KLK3: variants seen among roughly 807,000 people sequenced by gnomAD.
The protein encoded by KLK3 is prostate-specific antigen.
In KLK3, 23 loss-of-function variants were observed where a neutral mutation model predicts 27.7. That is an observed-to-expected ratio of 0.83 (90% confidence interval 0.60 to 1.17). KLK3 has a LOEUF of 1.17. KLK3 is among the 50% of genes most tolerant of loss of function. The probability of loss-of-function intolerance (pLI) is 0.00; values close to 1 mark genes in which losing one functional copy is unlikely to be tolerated. For synonymous variants in KLK3, 142 were observed against 134.2 expected, an observed-to-expected ratio of 1.06 and a Z score of -0.40; for missense variants, 322 against 338.1, an observed-to-expected ratio of 0.95 and a Z score of 0.37.
chr19:50,857,779 A>T, intron 2 of KLK3: 3 of 458,908 alleles, frequency 6.5e-6, no homozygotes, highest in Non-Finnish European at 1.2e-5. Context: ...CTGCCCTTTC[A>T]TTCTCTCTGT....
chr19:50,856,802 C>T (rs1424002687), intron 2 of KLK3: 1 of 180,416 alleles, frequency 5.5e-6, no homozygotes, highest in African/African-American at 2.4e-5. Context: ...CTCTCGGTCT[C>T]TGTCTCACCT....
intron 2 of KLK3, chr19:50,856,608 C>G (rs2090149028): frequency 3.7e-6 from 2 of 536,474 alleles, no homozygotes; most frequent in East Asian, 6.5e-5. Flanking sequence ...CTCTATGTCT[C>G]TTTGTGTCGC....
intron 1 of KLK3, 73 bp from the exon 2 acceptor site, chr19:50,856,167 A>G: frequency 7.1e-7 from 1 of 1,399,256 alleles, no homozygotes; most frequent in Non-Finnish European, 9.9e-7. Flanking sequence ...CACATCCTAA[A>G]TCCATCTCCT....
chr19:50,856,505 G>A (rs2090148389), intron 2 of KLK3, 106 bp downstream of exon 2: 2 of 1,405,304 alleles, frequency 1.4e-6, no homozygotes, highest in South Asian at 2.7e-5. Flanking sequence ...GGGACTGGGG[G>A]AGAGAGGGAA....
chr19:50,860,220 C>A lies in KLK3; in HGVS notation c.*93C>A. 1 of 996,448 alleles carries A rather than the reference C, an allele frequency of 1.0e-6. No homozygotes were observed. Among genetic ancestry groups the A allele is most frequent in the Non-Finnish European group, 1.5e-6 (1 of 651,268 alleles). 61.7% of individuals were successfully genotyped at this position (996,448 alleles called of 1,614,324 possible). On this transcript the variant is annotated 3_prime_UTR_variant, in exon 5 of 5. Transcript: ENST00000326003. Reference sequence around the variant, plus strand: ...CTCCCCAGTTCTACTGACCTTTGTCCTTAGGTGTGAGGTCCAGGGTTGCTA... The same window carrying A: ...CTCCCCAGTTCTACTGACCTTTGTCATTAGGTGTGAGGTCCAGGGTTGCTA...
chr19:50,855,001 G>T lies in KLK3; in HGVS notation c.46G>T (p.Gly16Cys), dbSNP rs754663333. 1 of 1,613,808 alleles carries T rather than the reference G, an allele frequency of 6.2e-7. No homozygotes were observed. The highest frequency in any genetic ancestry group is 8.5e-7 in the Non-Finnish European group (1 of 1,179,880). The change falls in exon 1 of 5, where the codon GGT becomes TGT. Residue 16 changes from glycine to cysteine, a missense_variant and splice_region_variant. By Grantham distance (159) the Gly-to-Cys change is radical. Transcript: ENST00000326003. ...VFLTLSVTWI[G>C]AAPLILSRIV... ...CCTCACCCTGTCCGTGACGTGGATT[G>T]GTGAGAGGGGCCATGGTTGGGGGGA...
In KLK3 at chr19:50,859,637, G is replaced by T. The variant is rs1273273208; in HGVS notation, c.631-335G>T. 1.9e-6 allele frequency: 3 copies of T among 1,610,948 alleles called. No individual in the cohort carries two copies. The South Asian group carries it at 3.3e-5, about 18-fold the overall frequency. ...TCTAGTCAGAGAGTAGTCCTGGAAG[G>T]TGGCCTCTGTGAGGAGCCACGGGGA... On this transcript the variant is annotated intron_variant, in intron 4 of 4. Transcript: ENST00000326003.
At chr19:50,859,459 T>A in intron 4 of KLK3, 3 of 1,329,126 alleles carry the variant, frequency 2.3e-6, no homozygotes, top group Non-Finnish European at 3.2e-6. Context: ...ACCTGGGCCC[T>A]TACCCAGCCT....
intron 2 of KLK3, among the ~76,000 whole-genome samples, chr19:50,857,162 C>CAAAAAAAAAAAAAAAAAAAAAAAA (rs560911495): frequency 2.6e-4 from 12 of 46,406 alleles, no homozygotes; most frequent in South Asian, 8.4e-4. Flanking sequence ...GACTCCGCCT[C>CAAAAAAAAAAAAAAAAAAAAAAAA]AAAAAAAAAA....
intron 4 of KLK3, chr19:50,859,601 G>A (rs2090171809): frequency 2.5e-6 from 4 of 1,613,570 alleles, no homozygotes; most frequent in Non-Finnish European, 3.4e-6. Context: ...TAGTGCCCTG[G>A]AGAGGAGGTG....
At position 50,854,962 on chromosome 19, in the gene KLK3, G is replaced by A; in HGVS notation, c.7G>A (p.Val3Ile). 6.2e-7 allele frequency: 1 copy of A among 1,613,820 alleles called. No homozygotes were observed. The highest frequency in any genetic ancestry group is 2.2e-5 in the East Asian group (1 of 44,866). Residue 3 changes from valine to isoleucine, a missense_variant, in exon 1 of 5, where the codon GTC (valine) becomes ATC (isoleucine). Transcript: ENST00000326003. The part of the protein sequence containing the change: MW[V>I]PVVFLTLSVT... Reference sequence around the variant, plus strand: ...CCCGGAGAGCTGTGTCACCATGTGGGTCCCGGTTGTCTTCCTCACCCTGTC... The same window carrying A: ...CCCGGAGAGCTGTGTCACCATGTGGATCCCGGTTGTCTTCCTCACCCTGTC...
Position 50,860,347 on chromosome 19 carries a change from A to T in KLK3, c.*220A>T. ...GGGAATACTGGCCATGCCTGGAGAC[A>T]TATCACTCAATTTCTCTGAGGACAC... On this transcript the variant is annotated 3_prime_UTR_variant, in exon 5 of 5. Transcript: ENST00000326003. 2.2e-6 allele frequency: 1 copy of T among 450,688 alleles called. No individual in the cohort carries two copies. Among genetic ancestry groups the T allele is most frequent in the Non-Finnish European group, 4.0e-6 (1 of 250,472 alleles). 27.9% of individuals were successfully genotyped at this position (450,688 alleles called of 1,614,324 possible).
At chr19:50,857,162 CAAAAAAAA>C (rs560911495) in intron 2 of KLK3, among the ~76,000 whole-genome samples, 3 of 46,416 alleles carry the variant, frequency 6.5e-5, no homozygotes, top group South Asian at 8.3e-4. Flanking sequence ...GACTCCGCCT[CAAAAAAAA>C]AAAAAAAAAA....
rs1355122753 is a variant in KLK3 at position 50,859,603 on chromosome 19, G to C, written c.631-369G>C. ...CTCCATGGCTCCCTAGTGCCCTGGAGAGGAGGTGTCTAGTCAGAGAGTAGT... is the reference window on the plus strand; with the variant it reads ...CTCCATGGCTCCCTAGTGCCCTGGACAGGAGGTGTCTAGTCAGAGAGTAGT... On this transcript the variant is annotated intron_variant, in intron 4 of 4. Transcript: ENST00000326003. 2.5e-6 allele frequency: 4 copies of C among 1,613,592 alleles called. No individual in the cohort carries two copies. The Admixed American group carries it at 6.7e-5, about 27-fold the overall frequency.
At chr19:50,859,303 G>C (rs962098032) in intron 4 of KLK3, among the ~76,000 whole-genome samples, 13 of 149,394 alleles carry the variant, frequency 8.7e-5, no homozygotes, top group African/African-American at 2.7e-4. Context: ...GATGGTGCTG[G>C]ACAGAAGCAG....
In KLK3 at chr19:50,858,137, C is replaced by T. The variant is rs780667166; in HGVS notation, c.315C>T (p.Leu105=). 1.9e-6 allele frequency: 3 copies of T among 1,614,128 alleles called. No individual in the cohort carries two copies. In the South Asian group the frequency reaches 3.3e-5, roughly 18 times the overall value. ...SFPHPLYDMS[L]LKNRFLRPGD... ...CACACCCGCTCTACGATATGAGCCT[C>T]CTGAAGAATCGATTCCTCAGGCCAG... is the stretch of plus-strand genomic sequence containing the variant. Residue 105 remains leucine, a synonymous_variant, in exon 3 of 5, where the codon CTC becomes CTT. Coordinates refer to ENST00000326003, the MANE Select transcript of KLK3 (RefSeq NM_001648.2).
chr19:50,856,560 C>A, intron 2 of KLK3, 161 bp downstream of exon 2: 1 of 752,430 alleles, frequency 1.3e-6, no homozygotes, highest in Non-Finnish European at 2.1e-6. Context: ...GGGGCTGGAC[C>A]ACCCTCCCCA....
rs143944639 is a variant in KLK3, at chr19:50,857,208, G to A, written c.206+809G>A. ...AGAAAAGAAAAGAAAAGAAAAGGAA[G>A]TGTTTTATCCCTGATGTGTGTGGGT... On this transcript the variant is annotated intron_variant, in intron 2 of 4. Transcript: ENST00000326003. Among the ~76,000 whole-genome samples the A allele has an allele frequency of 3.8e-3, 536 of 140,720 alleles. 3 individuals carry two copies. The highest frequency in any genetic ancestry group is 0.013 in the African/African-American group (496 of 39,344). The allele number at this position is 140,720 out of a possible 152,430, so 92.3% of individuals were successfully genotyped here. A position where few individuals can be genotyped will look rare whatever the true frequency, so the allele number is the denominator to read the frequency against.
In KLK3 at chr19:50,856,303, C is replaced by G. The variant is rs773350836; in HGVS notation, c.110C>G (p.Pro37Arg). Residue 37 changes from proline to arginine, a missense_variant, in exon 2 of 5, where the codon CCC becomes CGC. Physicochemically the swap from Pro to Arg is moderately radical, Grantham distance 103. Coordinates refer to ENST00000326003, the MANE Select transcript of KLK3 (RefSeq NM_001648.2). ...TGGGAGTGCGAGAAGCATTCCCAACCCTGGCAGGTGCTTGTGGCCTCTCGT... is the reference window on the plus strand; with the variant it reads ...TGGGAGTGCGAGAAGCATTCCCAACGCTGGCAGGTGCTTGTGGCCTCTCGT... Reference protein sequence around the residue: ...GGWECEKHSQPWQVLVASRGR... With the variant: ...GGWECEKHSQRWQVLVASRGR... 6.2e-7 allele frequency: 1 copy of G among 1,613,518 alleles called. No individual in the cohort carries two copies. Among genetic ancestry groups the G allele is most frequent in the Non-Finnish European group, 8.5e-7 (1 of 1,180,022 alleles).
Sources: allele counts gnomAD v4.1 joint callset (sites outside exome capture counted in the v4.1 genomes callset), GRCh38; gene constraint gnomAD v4.1.1; transcripts MANE v1.5; gene names NCBI Gene and HGNC (gene_info 2026-07-23, HGNC 2026-07-21).